The following CBLB variants were observed in gnomAD, a reference collection of about 807,000 sequenced individuals.
CBLB encodes Cbl proto-oncogene B.
Under a neutral mutation model 104.9 loss-of-function variants are expected in CBLB, and 31 were observed. That is an observed-to-expected ratio of 0.30 (90% CI 0.22 to 0.40). The LOEUF is 0.40. Among genes scored for constraint, CBLB ranks in the 10% least tolerant of loss-of-function variants. The probability of loss-of-function intolerance (pLI) is 1.00; values close to 1 mark genes in which losing one functional copy is unlikely to be tolerated. For synonymous variants in CBLB, 440 were observed against 422.6 expected (o/e 1.04, Z -0.51); for missense variants, 1,062 against 1,214.6 (o/e 0.87, Z 1.87).
intron 4 of CBLB, among the ~76,000 whole-genome samples, chr3:105,769,178 C>CT (rs1156692921): frequency 6.6e-6 from 1 of 151,926 alleles, no homozygotes; most frequent in African/African-American, 2.4e-5. Flanking sequence ...CATTGCCGGG[C>CT]GTGGTGGTGC....
chr3:105,743,323 G>A (rs1194820698), intron 6 of CBLB, among the ~76,000 whole-genome samples: 2 of 151,962 alleles, frequency 1.3e-5, no homozygotes, highest in Admixed American at 1.3e-4. Context: ...GGCAAGGCAT[G>A]ATGGTACATG....
At chr3:105,810,896 G>A (rs959329446) in intron 3 of CBLB, among the ~76,000 whole-genome samples, 3 of 152,064 alleles carry the variant, frequency 2.0e-5, no homozygotes, top group African/African-American at 7.2e-5. Flanking sequence ...ATAGGTATAA[G>A]TTTAAGATAC....
intron 17 of CBLB, among the ~76,000 whole-genome samples, chr3:105,675,636 C>T (rs2065527309): frequency 1.3e-5 from 2 of 152,082 alleles, no homozygotes; most frequent in African/African-American, 4.8e-5. Context: ...GCAATTCTAG[C>T]ATTTTGGGAG....
Position 105,656,184 on chromosome 3 carries a change from T to C in CBLB, c.*2786A>G, listed in dbSNP as rs1240809296. The stretch of plus-strand genomic sequence containing the variant: ...GAATATAATTGAGGATAAGTCCTTC[T>C]ATCTCCAGAACATGTTTGGGTTGGG... On this transcript the variant is annotated 3_prime_UTR_variant, in exon 19 of 19. Transcript: ENST00000394030. 1 of 219,236 alleles carries C rather than the reference T, an allele frequency of 4.6e-6. No individual in the cohort carries two copies. Among genetic ancestry groups the C allele is most frequent in the Non-Finnish European group, 9.2e-6 (1 of 109,192 alleles). The allele number at this position is 219,236 out of a possible 1,614,324, so 13.6% of individuals were successfully genotyped here.
At chr3:105,764,679 A>G (rs2152937985) in intron 4 of CBLB, among the ~76,000 whole-genome samples, 1 of 152,324 alleles carries the variant, frequency 6.6e-6, no homozygotes, top group Non-Finnish European at 1.5e-5. Flanking sequence ...TATGGACATG[A>G]TTAAGTTTAG....
intron 3 of CBLB, among the ~76,000 whole-genome samples, chr3:105,841,846 T>G (rs752742286): frequency 2.6e-5 from 4 of 152,132 alleles, no homozygotes; most frequent in Non-Finnish European, 5.9e-5. Context: ...TGAGATACAT[T>G]ATGGTTTTTA....
At chr3:105,836,960 A>G (rs1275495740) in intron 3 of CBLB, among the ~76,000 whole-genome samples, 1 of 81,114 alleles carries the variant, frequency 1.2e-5, no homozygotes, top group Non-Finnish European at 2.9e-5. Context: ...TCAAAACAAA[A>G]CAAGACCAAA....
At chr3:105,706,362 G>A (rs528502260) in intron 10 of CBLB, among the ~76,000 whole-genome samples, 6 of 151,876 alleles carry the variant, frequency 4.0e-5, no homozygotes, top group South Asian at 4.2e-4. Flanking sequence ...CTTTTAGCTC[G>A]GTTATGGTAA....
chr3:105,658,632 A>G lies in CBLB; in HGVS notation c.*338T>C, dbSNP rs1430491939. The G allele has an allele frequency of 2.5e-6, 1 of 397,896 alleles. No individual in the cohort carries two copies. The highest frequency in any genetic ancestry group is 4.6e-6 in the Non-Finnish European group (1 of 216,844). 24.6% of individuals were successfully genotyped at this position (397,896 alleles called of 1,614,324 possible). On this transcript the variant is annotated 3_prime_UTR_variant, in exon 19 of 19. Transcript: ENST00000394030. The stretch of plus-strand genomic sequence containing the variant: ...ACAGGTATCAAAACACCAAAACAAA[A>G]CTAAACTAAAAACAAGAACAAACTG...
intron 3 of CBLB, among the ~76,000 whole-genome samples, chr3:105,819,450 G>A (rs994466676): frequency 5.3e-4 from 80 of 151,072 alleles, no homozygotes; most frequent in African/African-American, 1.9e-3. Flanking sequence ...TTGTGCCACT[G>A]AACTCCAGCC....
At chr3:105,659,426 A>G (rs1170010889) in intron 18 of CBLB, among the ~76,000 whole-genome samples, 197 bp from the exon 19 acceptor site, 1 of 152,204 alleles carries the variant, frequency 6.6e-6, no homozygotes, top group Non-Finnish European at 1.5e-5. Context: ...AAATTAAGGT[A>G]CAGTGTGTTG....
chr3:105,787,783 T>C (rs2081191212), intron 3 of CBLB, among the ~76,000 whole-genome samples: 1 of 152,246 alleles, frequency 6.6e-6, no homozygotes, highest in Non-Finnish European at 1.5e-5. Flanking sequence ...ACTTTTATTT[T>C]GTTCTTTACC....
intron 3 of CBLB, among the ~76,000 whole-genome samples, chr3:105,805,451 T>A (rs2083383567): frequency 6.6e-6 from 1 of 152,116 alleles, no homozygotes; most frequent in Non-Finnish European, 1.5e-5. Context: ...ATTACAGGCA[T>A]GTGCCATCAC....
intron 3 of CBLB, among the ~76,000 whole-genome samples, chr3:105,793,765 G>A (rs1415705911): frequency 6.6e-6 from 1 of 152,168 alleles, no homozygotes; most frequent in Non-Finnish European, 1.5e-5. Flanking sequence ...AATCCGAGGT[G>A]TAGCTGTTCC....
rs76619476 is a variant in CBLB, at chr3:105,760,159, T to C, written c.567-8541A>G. 6.1e-3 allele frequency among the ~76,000 whole-genome samples: 927 copies of C among 152,290 alleles called. 30 individuals are homozygous for C. The highest frequency in any genetic ancestry group is 0.051 in the East Asian group (264 of 5,184). ...AACTTCTGGTCTCACATCCTAACCT[T>C]GGAACATAATAAACAATAAATTTGC... On this transcript the variant is annotated intron_variant, in intron 4 of 18. Coordinates refer to ENST00000394030, the MANE Select transcript of CBLB (RefSeq NM_170662.5).
At chr3:105,669,886 A>G (rs919312653) in intron 18 of CBLB, among the ~76,000 whole-genome samples, 3 of 152,184 alleles carry the variant, frequency 2.0e-5, no homozygotes, top group African/African-American at 7.2e-5. Flanking sequence ...TATTAATTCC[A>G]TAGAGATTGC....
At chr3:105,663,273 C>CA (rs2064010439) in intron 18 of CBLB, among the ~76,000 whole-genome samples, 1 of 152,116 alleles carries the variant, frequency 6.6e-6, no homozygotes, top group South Asian at 2.1e-4. Flanking sequence ...GAAATGATAA[C>CA]AAAAAACAAA....
intron 4 of CBLB, among the ~76,000 whole-genome samples, chr3:105,773,559 G>T (rs62261499): frequency 0.068 from 10,421 of 152,158 alleles, 518 homozygotes; most frequent in Admixed American, 0.15. Flanking sequence ...GACTCGCTAA[G>T]AAAAATGACT....
intron 3 of CBLB, among the ~76,000 whole-genome samples, chr3:105,785,248 A>AC (rs1392238596): frequency 1.3e-5 from 2 of 152,202 alleles, no homozygotes; most frequent in African/African-American, 2.4e-5. Flanking sequence ...TAATTTGCTG[A>AC]CCCCAAAACT....
Sources: gnomAD v4.1 joint callset for allele counts (sites outside exome capture counted in the v4.1 genomes callset) on GRCh38, gnomAD v4.1.1 for gene constraint, MANE v1.5 for transcripts, NCBI Gene and HGNC (gene_info 2026-07-23, HGNC 2026-07-21) for gene names.